Variants in ETV6 observed in about 807,000 individuals in gnomAD.
The protein encoded by ETV6 is transcription factor ETV6.
ETV6 carries 16 observed loss-of-function variants against 51.1 expected under a neutral mutation model. The observed-to-expected ratio is 0.31, with a 90% CI of 0.21 to 0.48. ETV6 has a LOEUF of 0.48. Among genes scored for constraint, ETV6 ranks in the 20% least tolerant of loss-of-function variants. The pLI is 0.99. For missense variants in ETV6, 458 were observed against 594.8 expected (o/e 0.77, Z 2.39); for synonymous variants, 240 against 224.1 (o/e 1.07, Z -0.64).
intron 2 of ETV6, among the ~76,000 whole-genome samples, chr12:11,804,268 G>A (rs951745894): frequency 1.3e-5 from 2 of 152,202 alleles, no homozygotes; most frequent in African/African-American, 4.8e-5. Flanking sequence ...AGCATCCAGA[G>A]TAATCTGTTG....
chr12:11,766,812 C>G (rs1945168536), intron 2 of ETV6, among the ~76,000 whole-genome samples: 1 of 152,180 alleles, frequency 6.6e-6, no homozygotes, highest in East Asian at 1.9e-4. Context: ...TCAGGCCGGC[C>G]TTTAAAATCT....
intron 1 of ETV6, among the ~76,000 whole-genome samples, chr12:11,703,471 A>G (rs772067676): frequency 7.2e-5 from 11 of 152,092 alleles, no homozygotes; most frequent in Non-Finnish European, 1.6e-4. Flanking sequence ...ATCATCTTCA[A>G]TATTAAAAAA....
chr12:11,860,328 G>A (rs982124407), intron 4 of ETV6, among the ~76,000 whole-genome samples: 2 of 152,126 alleles, frequency 1.3e-5, no homozygotes, highest in South Asian at 2.1e-4. Flanking sequence ...TATTAACCAC[G>A]GAATACATGA....
intron 2 of ETV6, among the ~76,000 whole-genome samples, chr12:11,796,766 C>CTTT (rs764589630): frequency 2.1e-5 from 3 of 143,520 alleles, no homozygotes; most frequent in African/African-American, 7.8e-5. Context: ...TCTTCCTTTT[C>CTTT]TTTTTTTTTT....
At chr12:11,886,442 T>C (rs1947185557) in intron 7 of ETV6, among the ~76,000 whole-genome samples, 1 of 145,984 alleles carries the variant, frequency 6.9e-6, no homozygotes, top group Admixed American at 7.0e-5. Flanking sequence ...AGTCATGAAA[T>C]AGATTGAATG....
chr12:11,778,335 T>C (rs1945363447), intron 2 of ETV6, among the ~76,000 whole-genome samples: 2 of 152,192 alleles, frequency 1.3e-5, no homozygotes, highest in African/African-American at 4.8e-5. Flanking sequence ...CACTCCTGTG[T>C]TTAATATAGC....
At chr12:11,784,458 C>A (rs1214087089) in intron 2 of ETV6, among the ~76,000 whole-genome samples, 19 of 118,256 alleles carry the variant, frequency 1.6e-4, no homozygotes, top group African/African-American at 1.9e-4. Context: ...GACTCCATCT[C>A]AAAAAAAAAA....
chr12:11,690,085 G>T (rs1278824311), intron 1 of ETV6, among the ~76,000 whole-genome samples: 1 of 152,046 alleles, frequency 6.6e-6, no homozygotes, highest in Non-Finnish European at 1.5e-5. Flanking sequence ...GGTAACTGAA[G>T]TGCATCTGGT....
At position 11,786,730 on chromosome 12, in the gene ETV6, A is replaced by G. The variant is rs538049454; in HGVS notation, c.163+34151A>G. On this transcript the variant is annotated intron_variant, in intron 2 of 7. Transcript: ENST00000396373. ...AAAGACTCTTCCAGCATTAAAATAC[A>G]TTAATTCTTTGCATACATCCATGCC... 5.2e-4 allele frequency among the ~76,000 whole-genome samples: 79 copies of G among 152,348 alleles called. 1 individual carries two copies. The highest frequency in any genetic ancestry group is 3.4e-3 in the Middle Eastern group (1 of 294).
intron 1 of ETV6, among the ~76,000 whole-genome samples, chr12:11,681,708 T>C (rs1287794792): frequency 2.0e-5 from 3 of 152,180 alleles, no homozygotes; most frequent in African/African-American, 7.2e-5. Context: ...TTTCTCCTTA[T>C]GCTATTTCTC....
intron 1 of ETV6, among the ~76,000 whole-genome samples, chr12:11,694,520 G>C (rs1864836151): frequency 6.6e-6 from 1 of 152,204 alleles, no homozygotes; most frequent in Admixed American, 6.5e-5. Flanking sequence ...TGAGTGCAGA[G>C]ACTAGGTGGG....
At chr12:11,756,465 A>G (rs1416205670) in intron 2 of ETV6, among the ~76,000 whole-genome samples, 1 of 152,176 alleles carries the variant, frequency 6.6e-6, no homozygotes, top group African/African-American at 2.4e-5. Context: ...GTACAATTAC[A>G]GTAGACAGGT....
intron 3 of ETV6, among the ~76,000 whole-genome samples, chr12:11,846,326 A>T (rs1374212355): frequency 2.6e-5 from 4 of 152,238 alleles, no homozygotes; most frequent in African/African-American, 9.6e-5. Flanking sequence ...TGTTACTTAG[A>T]TAATCTACGT....
chr12:11,670,110 G>A (rs923032263), intron 1 of ETV6, among the ~76,000 whole-genome samples: 1 of 151,116 alleles, frequency 6.6e-6, no homozygotes, highest in East Asian at 1.9e-4. Context: ...CTTGTTCTTC[G>A]GGGATACACT....
intron 2 of ETV6, among the ~76,000 whole-genome samples, chr12:11,763,627 G>A (rs971146661): frequency 1.5e-4 from 23 of 152,220 alleles, no homozygotes; most frequent in African/African-American, 4.1e-4. Flanking sequence ...GTGCACGCAC[G>A]TGCTTTCGTT....
chr12:11,672,819 A>G (rs1864345172), intron 1 of ETV6, among the ~76,000 whole-genome samples: 1 of 152,226 alleles, frequency 6.6e-6, no homozygotes, highest in African/African-American at 2.4e-5. Context: ...AAGTGGAAGT[A>G]AGATCCCCTT....
intron 1 of ETV6, among the ~76,000 whole-genome samples, chr12:11,734,466 G>T (rs1865663877): frequency 6.7e-6 from 1 of 149,872 alleles, no homozygotes; most frequent in Non-Finnish European, 1.5e-5. Context: ...AATTAGCTGT[G>T]TGTGGTGGTG....
At chr12:11,723,510 A>G (rs1865432197) in intron 1 of ETV6, among the ~76,000 whole-genome samples, 1 of 151,826 alleles carries the variant, frequency 6.6e-6, no homozygotes, top group Non-Finnish European at 1.5e-5. Flanking sequence ...AAGAAAATGT[A>G]CCTTAGTTAT....
chr12:11,830,117 T>C (rs1373177427), intron 2 of ETV6, among the ~76,000 whole-genome samples: 3 of 152,172 alleles, frequency 2.0e-5, no homozygotes, highest in African/African-American at 4.8e-5. Flanking sequence ...GGTTTTCTTT[T>C]GAAGGGCAGA....
Sources: gnomAD v4.1 joint callset for allele counts (sites outside exome capture counted in the v4.1 genomes callset) on GRCh38, gnomAD v4.1.1 for gene constraint, MANE v1.5 for transcripts, NCBI Gene and HGNC (gene_info 2026-07-23, HGNC 2026-07-21) for gene names.